Variants in PTK2 observed in about 807,000 individuals in gnomAD.
PTK2 encodes the protein focal adhesion kinase 1.
PTK2 carries 45 observed loss-of-function variants against 150.1 expected under a neutral mutation model. That is an observed-to-expected ratio of 0.30 (90% CI 0.24 to 0.38). The LOEUF (loss-of-function observed/expected upper bound fraction) is 0.38. Ranked by LOEUF, PTK2 falls within the 10% of genes least tolerant of loss-of-function variation. PTK2 has a pLI of 1.00. For synonymous variants in PTK2, 432 were observed against 449.2 expected (o/e 0.96, Z 0.48); for missense variants, 919 against 1,307.3 (o/e 0.70, Z 4.58).
chr8:140,939,017 A>T (rs2154608778), intron 1 of PTK2, among the ~76,000 whole-genome samples: 1 of 152,188 alleles, frequency 6.6e-6, no homozygotes, highest in Non-Finnish European at 1.5e-5. Context: ...TTTGCATAAA[A>T]AGTCACACCC....
intron 30 of PTK2, among the ~76,000 whole-genome samples, chr8:140,665,337 AC>A (rs1416294074): frequency 6.6e-6 from 1 of 152,210 alleles, no homozygotes; most frequent in Admixed American, 6.5e-5. Context: ...CCAACTGCCA[AC>A]CCTGCCAACA....
intron 5 of PTK2, among the ~76,000 whole-genome samples, chr8:140,856,315 G>A (rs1380051409): frequency 6.6e-6 from 1 of 152,068 alleles, no homozygotes; most frequent in Non-Finnish European, 1.5e-5. Flanking sequence ...CCCAGCCCAT[G>A]TTCACAAAAA....
intron 1 of PTK2, among the ~76,000 whole-genome samples, chr8:140,951,664 T>C (rs762837910): frequency 6.6e-6 from 1 of 152,148 alleles, no homozygotes; most frequent in Non-Finnish European, 1.5e-5. Flanking sequence ...GGGAGAATCA[T>C]TTGAAGCCAG....
intron 7 of PTK2, among the ~76,000 whole-genome samples, chr8:140,842,395 A>C (rs1473183514): frequency 6.6e-6 from 1 of 152,096 alleles, no homozygotes; most frequent in African/African-American, 2.4e-5. Flanking sequence ...TTGACAATCA[A>C]TATCTCCCAT....
intron 1 of PTK2, among the ~76,000 whole-genome samples, chr8:140,975,069 T>C (rs2100188786): frequency 6.6e-6 from 1 of 152,202 alleles, no homozygotes; most frequent in Non-Finnish European, 1.5e-5. Flanking sequence ...AAGTCCTTCA[T>C]TTATATGTAC....
At chr8:140,831,086 C>G (rs1386231719) in intron 7 of PTK2, among the ~76,000 whole-genome samples, 3 of 152,098 alleles carry the variant, frequency 2.0e-5, no homozygotes, top group Non-Finnish European at 4.4e-5. Flanking sequence ...TAAATTTATG[C>G]CCTAGGTAAA....
At chr8:140,873,368 T>C (rs1478970766) in intron 4 of PTK2, among the ~76,000 whole-genome samples, 1 of 152,248 alleles carries the variant, frequency 6.6e-6, no homozygotes, top group African/African-American at 2.4e-5. Context: ...AATAATGAAG[T>C]TGACAGTGCC....
At chr8:140,682,164 T>C (rs1299007807) in intron 27 of PTK2, among the ~76,000 whole-genome samples, 1 of 152,142 alleles carries the variant, frequency 6.6e-6, no homozygotes, top group Non-Finnish European at 1.5e-5. Context: ...GGTGGATCAC[T>C]TGAAGTCAGG....
intron 2 of PTK2, among the ~76,000 whole-genome samples, chr8:140,891,087 A>C (rs1022797239): frequency 8.9e-6 from 1 of 112,232 alleles, no homozygotes; most frequent in Non-Finnish European, 1.7e-5. Context: ...CATAGCCTTT[A>C]AATTTGTTGG....
At chr8:140,664,338 C>T (rs892864236) in intron 31 of PTK2, among the ~76,000 whole-genome samples, 1 of 152,098 alleles carries the variant, frequency 6.6e-6, no homozygotes, top group South Asian at 2.1e-4. Flanking sequence ...GATAGGGTCT[C>T]ACTATGTTGT....
intron 2 of PTK2, chr8:140,920,793 A>AT: frequency 6.8e-7 from 1 of 1,462,914 alleles, no homozygotes; most frequent in Non-Finnish European, 8.9e-7. Flanking sequence ...AAAACGGAAC[A>AT]TATTTTTAAG....
intron 5 of PTK2, among the ~76,000 whole-genome samples, chr8:140,855,366 C>T (rs4961298): frequency 0.26 from 38,705 of 151,776 alleles, 5,560 homozygotes; most frequent in Admixed American, 0.37. Context: ...GAGGCCGAGG[C>T]GGGTGGATCA....
chr8:140,755,808 T>G (rs1031112090), intron 16 of PTK2, among the ~76,000 whole-genome samples: 1 of 152,138 alleles, frequency 6.6e-6, no homozygotes. Flanking sequence ...AAATAAAGTA[T>G]CCAATGGTTG....
chr8:140,717,795 C>T lies in PTK2; in HGVS notation c.2031-86G>A, dbSNP rs994854424. ...CCCACCCTGAGTTATCTAAGGAACA[C>T]CAGTTGGCTAACAGTAGATGATAAC... On this transcript the variant is annotated intron_variant, in intron 22 of 31. Coordinates refer to ENST00000522684, the Ensembl canonical transcript of PTK2. 137 of 1,017,514 alleles carry T rather than the reference C, an allele frequency of 1.3e-4. 1 individual carries two copies. Among genetic ancestry groups the T allele is most frequent in the Non-Finnish European group, 6.2e-6 (4 of 640,688 alleles). The allele number at this position is 1,017,514 out of a possible 1,614,324, so 63.0% of individuals were successfully genotyped here.
At chr8:140,786,005 G>C (rs1260953083) in intron 14 of PTK2, among the ~76,000 whole-genome samples, 1 of 152,150 alleles carries the variant, frequency 6.6e-6, no homozygotes, top group Non-Finnish European at 1.5e-5. Flanking sequence ...TCTATGGTTT[G>C]ACTCTTTCAC....
chr8:140,987,675 A>G (rs1373630988), intron 1 of PTK2, among the ~76,000 whole-genome samples: 1 of 152,240 alleles, frequency 6.6e-6, no homozygotes, highest in African/African-American at 2.4e-5. Flanking sequence ...AATGATGCAG[A>G]GCAACCAGAA....
intron 1 of PTK2, among the ~76,000 whole-genome samples, chr8:140,951,665 T>C (rs1467716346): frequency 1.3e-5 from 2 of 152,170 alleles, no homozygotes. Context: ...GGAGAATCAT[T>C]TGAAGCCAGG....
chr8:140,951,674 G>A (rs1287205513), intron 1 of PTK2, among the ~76,000 whole-genome samples: 1 of 152,158 alleles, frequency 6.6e-6, no homozygotes, highest in Non-Finnish European at 1.5e-5. Context: ...TTTGAAGCCA[G>A]GAGTTTGAGA....
At chr8:140,748,895 G>A (rs537284387) in intron 17 of PTK2, among the ~76,000 whole-genome samples, 83 of 152,286 alleles carry the variant, frequency 5.5e-4, no homozygotes, top group African/African-American at 1.9e-3. Context: ...AAAAACACCT[G>A]ATTTCACAGA....
Sources: gnomAD v4.1 joint callset for allele counts (sites outside exome capture counted in the v4.1 genomes callset) on GRCh38, gnomAD v4.1.1 for gene constraint, MANE v1.5 for transcripts, NCBI Gene and HGNC (gene_info 2026-07-23, HGNC 2026-07-21) for gene names.